GLT1D1: variants seen among roughly 807,000 people sequenced by gnomAD.
GLT1D1 encodes glycosyltransferase 1 domain-containing protein 1.
GLT1D1 carries 21 observed loss-of-function variants against 28.7 expected under a neutral mutation model. That is an observed-to-expected ratio of 0.73 (90% confidence interval 0.52 to 1.05). The LOEUF (loss-of-function observed/expected upper bound fraction) is 1.05, where lower values mean the gene tolerates loss of function less well. GLT1D1 is among the 50% of genes least tolerant of loss of function. GLT1D1 has a pLI of 0.00. For missense variants in GLT1D1, 343 were observed against 330.6 expected, an observed-to-expected ratio of 1.04 and a Z score of -0.29; for synonymous variants, 147 against 124.8, an observed-to-expected ratio of 1.18 and a Z score of -1.19.
chr12:128,909,427 T>G (rs5028541), intron 4 of GLT1D1, among the ~76,000 whole-genome samples: 19,041 of 152,184 alleles, frequency 0.13, 1,312 homozygotes, highest in East Asian at 0.25. Context: ...CTTTGTGTTT[T>G]GTGGCATAAA....
At chr12:128,958,586 C>CAAAAA (rs1164628353) in intron 7 of GLT1D1, among the ~76,000 whole-genome samples, 8 of 74,440 alleles carry the variant, frequency 1.1e-4, no homozygotes, top group African/African-American at 2.6e-4. Context: ...ATTAAAAAGA[C>CAAAAA]AAAAAAAAAA....
intron 1 of GLT1D1, among the ~76,000 whole-genome samples, chr12:128,867,397 C>CAAAAAAAAAAAAAAAAAACA (rs1956563105): frequency 1.7e-5 from 1 of 59,304 alleles, no homozygotes; most frequent in South Asian, 6.7e-4. Context: ...AACTCCTTCT[C>CAAAAAAAAAAAAAAAAAACA]AAAAAAAAAA....
intron 1 of GLT1D1, among the ~76,000 whole-genome samples, chr12:128,871,111 T>C (rs1956675517): frequency 1.3e-5 from 2 of 152,232 alleles, no homozygotes. Context: ...CCCTCAGGAA[T>C]GGACTCTCCA....
rs531347389 is a variant in GLT1D1, at chr12:128,856,431, G to A, written c.68+2782G>A. ...AAGACTGAGTTACTCTGGTTCAGAC[G>A]CCTCTGACAAAACTAGATAAAGTGA... On this transcript the variant is annotated intron_variant, in intron 1 of 7. Transcript: ENST00000281703. Among the ~76,000 whole-genome samples, 5 of 152,244 alleles carry A rather than the reference G, an allele frequency of 3.3e-5. No homozygotes were observed. In the South Asian group the frequency reaches 8.3e-4, roughly 25 times the overall value.
At chr12:128,900,472 G>A (rs553697878) in intron 4 of GLT1D1, among the ~76,000 whole-genome samples, 1 of 152,314 alleles carries the variant, frequency 6.6e-6, no homozygotes, top group East Asian at 1.9e-4. Flanking sequence ...ATGTGAATGT[G>A]AAGTTGCACA....
In GLT1D1 at chr12:128,912,463, A is replaced by G. The variant is rs1871641490; in HGVS notation, c.375+13176A>G. The G allele has an allele frequency of 2.0e-6, 3 of 1,494,748 alleles. No homozygotes were observed. Among genetic ancestry groups the G allele is most frequent in the Non-Finnish European group, 1.8e-6 (2 of 1,115,980 alleles). The allele number at this position is 1,494,748 out of a possible 1,614,324, so 92.6% of individuals were successfully genotyped here. A position where few individuals can be genotyped will look rare whatever the true frequency, so the allele number is the denominator to read the frequency against. Reference sequence around the variant, plus strand: ...TAAGGTCTATGTCCAGAGTCAAGGTAAGATTTTTAAAATATTTATTTACTT... The same window carrying G: ...TAAGGTCTATGTCCAGAGTCAAGGTGAGATTTTTAAAATATTTATTTACTT... On this transcript the variant is annotated intron_variant, in intron 4 of 7. Transcript: ENST00000281703.
chr12:128,862,685 T>C (rs1956411107), intron 1 of GLT1D1, among the ~76,000 whole-genome samples: 1 of 152,156 alleles, frequency 6.6e-6, no homozygotes, highest in South Asian at 2.1e-4. Context: ...ATTCAGCAGA[T>C]ATTTTTTGAG....
At chr12:128,959,049 G>T (rs1386753118) in intron 7 of GLT1D1, among the ~76,000 whole-genome samples, 3 of 151,040 alleles carry the variant, frequency 2.0e-5, no homozygotes, top group Non-Finnish European at 4.4e-5. Context: ...TTTTGCCCAG[G>T]CTGGTCTCGA....
At chr12:128,912,813 T>A (rs1871682987) in intron 4 of GLT1D1, among the ~76,000 whole-genome samples, 1 of 151,954 alleles carries the variant, frequency 6.6e-6, no homozygotes, top group South Asian at 2.1e-4. Flanking sequence ...TAGGCAGGCA[T>A]GAGCCGCCAT....
Position 128,973,960 on chromosome 12 carries a change from G to A in GLT1D1, c.640-8969G>A, listed in dbSNP as rs569652696. On this transcript the variant is annotated intron_variant, in intron 7 of 7. Transcript: ENST00000281703. ...TAGGGTGTGTGTGTGTGGGGGGGGC[G>A]CTTGGTGATCTGTGCTCCACACCAC... is the stretch of plus-strand genomic sequence containing the variant. 2.8e-3 allele frequency among the ~76,000 whole-genome samples: 390 copies of A among 140,860 alleles called. 10 individuals are homozygous for A. Among genetic ancestry groups the A allele is most frequent in the Admixed American group, 0.025 (344 of 13,776 alleles). The allele number at this position is 140,860 out of a possible 152,430, so 92.4% of individuals were successfully genotyped here.
chr12:128,903,456 TA>T (rs1350012090), intron 4 of GLT1D1, among the ~76,000 whole-genome samples: 1 of 151,738 alleles, frequency 6.6e-6, no homozygotes, highest in African/African-American at 2.4e-5. Context: ...AGAGGATCTT[TA>T]ATGCTGCCTT....
chr12:128,919,080 C>A (rs1341248610), intron 4 of GLT1D1, among the ~76,000 whole-genome samples: 1 of 152,162 alleles, frequency 6.6e-6, no homozygotes, highest in Non-Finnish European at 1.5e-5. Context: ...TAATCTGCGT[C>A]TCTGGGTTTT....
At chr12:128,892,126 A>G (rs966501136) in intron 3 of GLT1D1, among the ~76,000 whole-genome samples, 7 of 152,172 alleles carry the variant, frequency 4.6e-5, no homozygotes, top group Non-Finnish European at 8.8e-5. Context: ...CAAGGAAGCA[A>G]TCAGATATAC....
intron 7 of GLT1D1, among the ~76,000 whole-genome samples, chr12:128,958,776 A>AAAC (rs1555219801): frequency 2.1e-5 from 3 of 141,636 alleles, no homozygotes; most frequent in African/African-American, 8.3e-5. Context: ...AAAAAAAAAA[A>AAAC]AGGAAGGCAT....
chr12:128,866,684 G>C (rs939655463), intron 1 of GLT1D1, among the ~76,000 whole-genome samples: 1 of 148,962 alleles, frequency 6.7e-6, no homozygotes. Context: ...ATAGTGGCAC[G>C]ATCTTAGCTC....
At position 128,910,262 on chromosome 12, in the gene GLT1D1, CTCT is replaced by C. The variant is rs992377775; in HGVS notation, c.375+10977_375+10979del. On this transcript the variant is annotated intron_variant, in intron 4 of 7. Coordinates refer to ENST00000281703, the MANE Select transcript of GLT1D1 (RefSeq NM_144669.3). ...TGACAGAGCTGAGATACAAGTTTAA[CTCT>C]TTTTTTTTTTTTTTTTTTTTGGTGG... Among the ~76,000 whole-genome samples the C allele has an allele frequency of 2.2e-4, 26 of 120,722 alleles. 1 individual carries two copies. Among genetic ancestry groups the C allele is most frequent in the African/African-American group, 7.1e-4 (22 of 30,780 alleles). 79.2% of individuals were successfully genotyped at this position (120,722 alleles called of 152,430 possible).
intron 6 of GLT1D1, among the ~76,000 whole-genome samples, chr12:128,948,091 C>T (rs927635864): frequency 6.6e-6 from 1 of 152,080 alleles, no homozygotes; most frequent in Non-Finnish European, 1.5e-5. Context: ...GTGGGAAGGC[C>T]GTGCTCGTGA....
chr12:128,855,241 AAACAAC>A (rs1184323444), intron 1 of GLT1D1, among the ~76,000 whole-genome samples: 5 of 139,654 alleles, frequency 3.6e-5, no homozygotes, highest in Non-Finnish European at 1.5e-5. Flanking sequence ...AAAAAAAAAA[AAACAAC>A]AACAACAACA....
At chr12:128,855,841 C>T (rs919572332) in intron 1 of GLT1D1, among the ~76,000 whole-genome samples, 1 of 150,470 alleles carries the variant, frequency 6.6e-6, no homozygotes, top group African/African-American at 2.5e-5. Flanking sequence ...CAACCTCTGC[C>T]CCCCGGTTCC....
Sources: gnomAD v4.1 joint callset for allele counts (sites outside exome capture counted in the v4.1 genomes callset) on GRCh38, gnomAD v4.1.1 for gene constraint, MANE v1.5 for transcripts, NCBI Gene and HGNC (gene_info 2026-07-23, HGNC 2026-07-21) for gene names.